REPS2: variants seen among roughly 807,000 people sequenced by gnomAD.
REPS2 encodes the protein ralBP1-associated Eps domain-containing protein 2.
REPS2 carries 23 observed loss-of-function variants against 53.6 expected under a neutral mutation model. The ratio of observed to expected loss-of-function variants is 0.43; its 90% CI spans 0.31 to 0.61. The LOEUF (loss-of-function observed/expected upper bound fraction) is 0.61. REPS2 is among the 20% of genes least tolerant of loss of function. The probability of loss-of-function intolerance (pLI) is 0.11; values close to 1 mark genes in which losing one functional copy is unlikely to be tolerated. For missense variants in REPS2, 446 were observed against 534.9 expected (o/e 0.83, Z 1.64); for synonymous variants, 238 against 218.6 (o/e 1.09, Z -0.78).
chrX:17,007,846 T>C (rs1485059340), intron 2 of REPS2, among the ~76,000 whole-genome samples: 2 of 112,266 alleles, frequency 1.8e-5, no homozygotes, highest in East Asian at 2.8e-4. Context: ...CCGTTGTTCG[T>C]ATCTTACAAG....
At chrX:16,977,730 A>AAT (rs1054273193) in intron 1 of REPS2, among the ~76,000 whole-genome samples, 6 of 108,756 alleles carry the variant, frequency 5.5e-5, no homozygotes, top group African/African-American at 2.0e-4. Flanking sequence ...AAAAAAAAAA[A>AAT]AAAACAAACA....
At chrX:17,018,084 T>G (rs1269985670) in intron 2 of REPS2, among the ~76,000 whole-genome samples, 1 of 112,075 alleles carries the variant, frequency 8.9e-6, no homozygotes, top group Non-Finnish European at 1.9e-5. Context: ...TTCAGTAATG[T>G]GTAAATATAG....
chrX:17,186,548 T>C, the REPS2 span, among the ~76,000 whole-genome samples: 1 of 112,338 alleles, frequency 8.9e-6, no homozygotes, highest in Non-Finnish European at 1.9e-5. Flanking sequence ...TAGAACACTA[T>C]GCTAGCCTTC....
intron 16 of REPS2, chrX:17,136,828 G>A (rs919740257): frequency 9.0e-5 from 10 of 111,491 alleles, no homozygotes; most frequent in Admixed American, 4.8e-4. Context: ...TGGCAACCAC[G>A]AATCTCCTTT....
At position 16,948,556 on chromosome X, in the gene REPS2, C is replaced by T. The variant is rs2060469253; in HGVS notation, c.273+1422C>T. On this transcript the variant is annotated intron_variant, in intron 1 of 17. Transcript: ENST00000357277. ...TCCCAGCTGAAAGAGGAATAATTGA[C>T]TGAGGCTATGCAGCAAGTAAGTGAC... Among the ~76,000 whole-genome samples, 4 of 112,334 alleles carry T rather than the reference C, an allele frequency of 3.6e-5. No individual in the cohort carries two copies. In the South Asian group the frequency reaches 1.4e-3, roughly 40 times the overall value.
At chrX:17,112,082 C>T (rs2062978816) in intron 14 of REPS2, among the ~76,000 whole-genome samples, 1 of 109,871 alleles carries the variant, frequency 9.1e-6, no homozygotes, top group Non-Finnish European at 1.9e-5. Flanking sequence ...GACTCAGCCT[C>T]CTGGGTAGCT....
intron 1 of REPS2, among the ~76,000 whole-genome samples, chrX:16,986,732 T>G (rs1179127427): frequency 2.7e-5 from 3 of 111,222 alleles, no homozygotes; most frequent in Non-Finnish European, 5.7e-5. Context: ...GTTTCACTAC[T>G]GTGGGGTATT....
At chrX:17,028,310 G>A (rs907087872) in intron 4 of REPS2, among the ~76,000 whole-genome samples, 3 of 112,220 alleles carry the variant, frequency 2.7e-5, no homozygotes, top group South Asian at 3.7e-4. Context: ...AGCGCAATTG[G>A]TATTAGTGAT....
intron 14 of REPS2, among the ~76,000 whole-genome samples, chrX:17,117,456 G>T (rs2063071182): frequency 9.1e-6 from 1 of 109,406 alleles, no homozygotes; most frequent in Non-Finnish European, 1.9e-5. Context: ...CCCAGTGTGT[G>T]ATGTTCCCCT....
chrX:17,140,115 T>C (rs2063423078), intron 17 of REPS2, among the ~76,000 whole-genome samples: 1 of 111,878 alleles, frequency 8.9e-6, no homozygotes, highest in Non-Finnish European at 1.9e-5. Context: ...CAGCAAAGTT[T>C]CTTAGGAGTG....
chrX:17,110,145 C>T (rs2148075671), intron 14 of REPS2, among the ~76,000 whole-genome samples: 1 of 111,307 alleles, frequency 9.0e-6, no homozygotes, highest in Admixed American at 9.6e-5. Context: ...AAGTCTCTTA[C>T]AGGGCTATCT....
At chrX:16,958,435 C>T (rs1291933538) in intron 1 of REPS2, among the ~76,000 whole-genome samples, 2 of 111,431 alleles carry the variant, frequency 1.8e-5, no homozygotes, top group African/African-American at 6.5e-5. Context: ...CTTAGGGTCC[C>T]ACAGGAAATG....
At chrX:17,093,085 A>G (rs1293667896) in intron 13 of REPS2, among the ~76,000 whole-genome samples, 1 of 99,768 alleles carries the variant, frequency 1.0e-5, no homozygotes, top group Non-Finnish European at 2.0e-5. Flanking sequence ...CCCACCATTA[A>G]AGGAAAGGAA....
intron 1 of REPS2, among the ~76,000 whole-genome samples, chrX:16,980,234 G>A (rs2061004549): frequency 9.2e-6 from 1 of 108,723 alleles, no homozygotes; most frequent in Non-Finnish European, 1.9e-5. Flanking sequence ...TCAGCTTCCT[G>A]AGTAGCTGGG....
chrX:17,111,946 C>T (rs921525367), intron 14 of REPS2, among the ~76,000 whole-genome samples: 56 of 110,898 alleles, frequency 5.0e-4, no homozygotes, highest in Non-Finnish European at 2.5e-4. Flanking sequence ...ACAACTAAAA[C>T]CCCCAGAAAT....
At chrX:17,027,660 T>G (rs989627956) in intron 4 of REPS2, among the ~76,000 whole-genome samples, 9 of 28,319 alleles carry the variant, frequency 3.2e-4, no homozygotes, top group Non-Finnish European at 5.4e-4. Context: ...AATCTTTAGG[T>G]TTTTTTTTTT....
At chrX:17,040,941 CCTTT>C (rs1378180326) in intron 5 of REPS2, among the ~76,000 whole-genome samples, 1 of 112,068 alleles carries the variant, frequency 8.9e-6, no homozygotes, top group Non-Finnish European at 1.9e-5. Flanking sequence ...GGCAGATCTT[CCTTT>C]CCTTTGGGTC....
intron 1 of REPS2, among the ~76,000 whole-genome samples, chrX:16,965,357 C>T (rs1319681669): frequency 3.6e-5 from 4 of 109,875 alleles, no homozygotes; most frequent in Admixed American, 1.9e-4. Context: ...GCTGGCCGGG[C>T]GGGGGGCTGA....
At position 17,029,569 on chromosome X, in the gene REPS2, C is replaced by G. The variant is rs762276740; in HGVS notation, c.717C>G (p.Ser239=). 6.6e-6 allele frequency: 8 copies of G among 1,210,826 alleles called. No individual in the cohort carries two copies. Among genetic ancestry groups the G allele is most frequent in the African/African-American group, 1.7e-5 (1 of 57,865 alleles). Residue 239 remains serine, a synonymous_variant, in exon 5 of 18, where the codon TCC becomes TCG. Transcript: ENST00000357277. ...AGCCCCTTGTCCAGCCCGAGGGATC[C>G]TCATCAGGGGGCCCAGGAACCAAGC... The part of the protein sequence containing the change: ...ARQPLVQPEG[S]SSGGPGTKPL...
Sources: gnomAD v4.1 joint callset for allele counts (sites outside exome capture counted in the v4.1 genomes callset) on GRCh38, gnomAD v4.1.1 for gene constraint, MANE v1.5 for transcripts, NCBI Gene and HGNC (gene_info 2026-07-23, HGNC 2026-07-21) for gene names.